Variants in RANBP2 observed in about 807,000 individuals in gnomAD.
RANBP2 encodes the protein RAN binding protein 2, also known as E3 SUMO-protein ligase RanBP2.
In RANBP2, 57 loss-of-function variants were observed where a neutral mutation model predicts 303.6. That is an observed-to-expected ratio of 0.19 (90% CI 0.15 to 0.23). The LOEUF (loss-of-function observed/expected upper bound fraction) is 0.23. Among genes scored for constraint, RANBP2 ranks in the 10% least tolerant of loss-of-function variants. The probability of loss-of-function intolerance (pLI) is 1.00; values close to 1 mark genes in which losing one functional copy is unlikely to be tolerated. For missense variants in RANBP2, 3,138 were observed against 3,780.8 expected, an observed-to-expected ratio of 0.83 and a Z score of 4.46; for synonymous variants, 1,167 against 1,301.5, an observed-to-expected ratio of 0.90 and a Z score of 2.23.
chr2:108,942,817 C>T, the RANBP2 span, among the ~76,000 whole-genome samples: 1 of 152,246 alleles, frequency 6.6e-6, no homozygotes, highest in African/African-American at 2.4e-5. Flanking sequence ...GAAAACTCAA[C>T]AGCAGCAACA....
rs1678473406 is a variant in RANBP2, at chr2:108,784,523, GATTA to G, written c.*626_*629del. The G allele has an allele frequency of 6.6e-6, 1 of 152,490 alleles. No individual in the cohort carries two copies. Among genetic ancestry groups the G allele is most frequent in the African/African-American group, 2.4e-5 (1 of 41,402 alleles). The allele number at this position is 152,490 out of a possible 1,614,324, so 9.4% of individuals were successfully genotyped here. A position where few individuals can be genotyped will look rare whatever the true frequency, so the allele number is the denominator to read the frequency against. ...TTCCTGTGCCCTTTCATAGATATTC[GATTA>G]ATTTTTACATTTTAAACAAGTTGAC... On this transcript the variant is annotated 3_prime_UTR_variant, in exon 29 of 29. Transcript: ENST00000283195.
the RANBP2 span, chr2:109,419,749 A>G: frequency 9.4e-7 from 1 of 1,058,630 alleles, no homozygotes; most frequent in Non-Finnish European, 1.4e-6. Flanking sequence ...ATGTGTTACT[A>G]GTTGGCCAGT....
the RANBP2 span, among the ~76,000 whole-genome samples, chr2:109,340,767 A>G: frequency 3.3e-5 from 5 of 152,190 alleles, no homozygotes; most frequent in Non-Finnish European, 7.4e-5. Context: ...AGATTTGATT[A>G]TCTCTGCTTT....
chr2:109,030,922 G>A, the RANBP2 span, among the ~76,000 whole-genome samples: 1 of 152,100 alleles, frequency 6.6e-6, no homozygotes, highest in East Asian at 1.9e-4. Flanking sequence ...TTATTTTCTT[G>A]GTAAAATGGT....
At chr2:109,764,144 C>T in the RANBP2 span, among the ~76,000 whole-genome samples, 4 of 149,960 alleles carry the variant, frequency 2.7e-5, no homozygotes. Context: ...TAATTTCCAC[C>T]TCTAATTCCA....
At chr2:109,634,098 C>A in the RANBP2 span, among the ~76,000 whole-genome samples, 102 of 106,654 alleles carry the variant, frequency 9.6e-4, no homozygotes, top group African/African-American at 3.6e-3. Flanking sequence ...CCAACCTGGG[C>A]GACAGAGTGA....
chr2:109,669,708 C>A, the RANBP2 span, among the ~76,000 whole-genome samples: 1 of 152,168 alleles, frequency 6.6e-6, no homozygotes, highest in Non-Finnish European at 1.5e-5. Flanking sequence ...GTTCTGACAA[C>A]CCTCACCGCC....
At chr2:109,150,811 C>T in the RANBP2 span, among the ~76,000 whole-genome samples, 8 of 151,880 alleles carry the variant, frequency 5.3e-5, no homozygotes, top group Admixed American at 1.3e-4. Flanking sequence ...GCTGTTCAGA[C>T]TTGGGGAGAA....
the RANBP2 span, among the ~76,000 whole-genome samples, chr2:109,405,101 G>A: frequency 4.1e-4 from 62 of 151,386 alleles, 2 homozygotes; most frequent in African/African-American, 1.5e-3. Flanking sequence ...CACCCATGGG[G>A]GTTCACCCTC....
chr2:108,828,496 A>G, the RANBP2 span, among the ~76,000 whole-genome samples: 146 of 152,372 alleles, frequency 9.6e-4, no homozygotes, highest in African/African-American at 3.5e-3. Flanking sequence ...TGATACTGAC[A>G]TAAGACATGT....
the RANBP2 span, among the ~76,000 whole-genome samples, chr2:109,273,530 C>G: frequency 7.5e-4 from 114 of 152,352 alleles, 2 homozygotes; most frequent in South Asian, 0.015. Flanking sequence ...ACCCCACTCA[C>G]TGGGCACGTG....
At chr2:109,200,973 C>T in the RANBP2 span, among the ~76,000 whole-genome samples, 1 of 152,166 alleles carries the variant, frequency 6.6e-6, no homozygotes, top group African/African-American at 2.4e-5. Context: ...CACTGGCACC[C>T]GGGCTGCTGC....
the RANBP2 span, among the ~76,000 whole-genome samples, chr2:109,268,595 C>T: frequency 3.2e-4 from 49 of 152,318 alleles, no homozygotes; most frequent in South Asian, 1.2e-3. Flanking sequence ...GGGAGAGGTC[C>T]CCCACTGAAC....
At chr2:109,538,116 C>T in the RANBP2 span, among the ~76,000 whole-genome samples, 1 of 152,226 alleles carries the variant, frequency 6.6e-6, no homozygotes, top group Non-Finnish European at 1.5e-5. Context: ...CTTTGGTCCT[C>T]CCAGCTCCAG....
At chr2:109,212,716 T>C in the RANBP2 span, among the ~76,000 whole-genome samples, 2 of 152,348 alleles carry the variant, frequency 1.3e-5, no homozygotes, top group African/African-American at 4.8e-5. Context: ...TGTTGTATAA[T>C]AAAGACCCAT....
At chr2:109,064,255 G>A in the RANBP2 span, among the ~76,000 whole-genome samples, 1 of 151,854 alleles carries the variant, frequency 6.6e-6, no homozygotes, top group African/African-American at 2.4e-5. Context: ...GGATCACAAG[G>A]TCAGGAGATC....
chr2:108,861,875 A>AGGTTTT, the RANBP2 span, among the ~76,000 whole-genome samples: 1 of 152,112 alleles, frequency 6.6e-6, no homozygotes, highest in Non-Finnish European at 1.5e-5. Flanking sequence ...TGTATCCTAC[A>AGGTTTT]GGTTTTGGTA....
chr2:108,819,288 A>T, the RANBP2 span, among the ~76,000 whole-genome samples: 4 of 152,334 alleles, frequency 2.6e-5, no homozygotes, highest in East Asian at 7.7e-4. Flanking sequence ...CCCTGCCGGT[A>T]TAGCGCAGTG....
At chr2:108,949,957 G>A in the RANBP2 span, among the ~76,000 whole-genome samples, 11 of 152,336 alleles carry the variant, frequency 7.2e-5, no homozygotes, top group East Asian at 2.1e-3. Flanking sequence ...AATAACAAAT[G>A]TATATGGGAG....
Sources: gnomAD v4.1 joint callset for allele counts (sites outside exome capture counted in the v4.1 genomes callset) on GRCh38, gnomAD v4.1.1 for gene constraint, MANE v1.5 for transcripts, NCBI Gene and HGNC (gene_info 2026-07-23, HGNC 2026-07-21) for gene names.